The following KATNIP variants were observed in gnomAD, a reference collection of about 807,000 sequenced individuals.
The protein encoded by KATNIP is katanin interacting protein, also known as katanin-interacting protein.
A neutral mutation model predicts 174.0 loss-of-function variants in KATNIP; 126 were observed. The observed-to-expected ratio is 0.72, with a 90% CI of 0.63 to 0.84. The LOEUF (loss-of-function observed/expected upper bound fraction) is 0.84, where lower values mean the gene tolerates loss of function less well. Ranked by LOEUF, KATNIP falls within the 40% of genes least tolerant of loss-of-function variation. The pLI, the probability that KATNIP is intolerant of heterozygous loss-of-function variation, is 0.00. For synonymous variants in KATNIP, 810 were observed against 835.7 expected, an observed-to-expected ratio of 0.97 and a Z score of 0.53; for missense variants, 1,958 against 2,109.7, an observed-to-expected ratio of 0.93 and a Z score of 1.41.
chr16:27,737,276 A>G (rs1334616193), intron 14 of KATNIP, among the ~76,000 whole-genome samples: 6 of 152,144 alleles, frequency 3.9e-5, no homozygotes, highest in African/African-American at 1.4e-4. Context: ...CCAGCTATCC[A>G]GGATGCTGAG....
intron 5 of KATNIP, among the ~76,000 whole-genome samples, chr16:27,633,058 C>T (rs1251836612): frequency 6.6e-6 from 1 of 152,058 alleles, no homozygotes; most frequent in Non-Finnish European, 1.5e-5. Context: ...CCGAAAAGGG[C>T]TGGTTTCTTT....
At chr16:27,770,682 G>A (rs796205533) in intron 21 of KATNIP, among the ~76,000 whole-genome samples, 10 of 152,364 alleles carry the variant, frequency 6.6e-5, no homozygotes, top group Admixed American at 3.9e-4. Flanking sequence ...GGCCCCGTCA[G>A]GAGGGCCGTG....
chr16:27,562,550 C>A (rs2089924366), intron 1 of KATNIP, among the ~76,000 whole-genome samples: 1 of 152,148 alleles, frequency 6.6e-6, no homozygotes, highest in Admixed American at 6.5e-5. Flanking sequence ...GGTGCAGATA[C>A]TCAGAAGACA....
chr16:27,763,678 A>G (rs1162751551), intron 19 of KATNIP, among the ~76,000 whole-genome samples: 1 of 151,938 alleles, frequency 6.6e-6, no homozygotes, highest in Non-Finnish European at 1.5e-5. Flanking sequence ...TTAAATTACC[A>G]GATATCTAGC....
intron 13 of KATNIP, among the ~76,000 whole-genome samples, chr16:27,715,106 G>A (rs1181203815): frequency 1.3e-5 from 2 of 152,238 alleles, no homozygotes; most frequent in African/African-American, 4.8e-5. Flanking sequence ...ATAGATCAAT[G>A]AAATAGAATT....
intron 14 of KATNIP, among the ~76,000 whole-genome samples, chr16:27,724,719 T>C (rs1206663164): frequency 6.6e-6 from 1 of 152,234 alleles, no homozygotes; most frequent in East Asian, 1.9e-4. Context: ...CAGGTTGGTT[T>C]GATTTAATAT....
At chr16:27,771,788 TAGG>T in intron 22 of KATNIP, 136 bp downstream of exon 22, 1 of 846,462 alleles carries the variant, frequency 1.2e-6, no homozygotes, top group South Asian at 1.7e-5. Flanking sequence ...AGGCAGAGGA[TAGG>T]AGGCCTCCTG....
At chr16:27,600,490 G>A (rs1473842680) in intron 2 of KATNIP, among the ~76,000 whole-genome samples, 8 of 152,096 alleles carry the variant, frequency 5.3e-5, no homozygotes, top group Non-Finnish European at 8.8e-5. Flanking sequence ...CGTCCCCTGG[G>A]ATCAGCCAGC....
chr16:27,569,178 T>C (rs1422356618), intron 1 of KATNIP, among the ~76,000 whole-genome samples: 1 of 152,182 alleles, frequency 6.6e-6, no homozygotes, highest in Non-Finnish European at 1.5e-5. Flanking sequence ...TTATCAAGGG[T>C]AATTTTGGCA....
chr16:27,608,521 A>G (rs1358791045), intron 2 of KATNIP, among the ~76,000 whole-genome samples: 2 of 141,396 alleles, frequency 1.4e-5, no homozygotes, highest in Admixed American at 1.4e-4. Flanking sequence ...CTTGGTAGGA[A>G]TTTTTTTTTC....
chr16:27,740,416 T>A lies in KATNIP; in HGVS notation c.2119T>A (p.Ser707Thr). 1 of 1,614,028 alleles carries A rather than the reference T, an allele frequency of 6.2e-7. No homozygotes were observed. ...EYLRLSAVPT[S>T]MGDMPSAPAT... ...TTTGAGACTGTCGGCAGTCCCCACT[T>A]CGATGGGTGACATGCCCAGTGCTCC... is the stretch of plus-strand genomic sequence containing the variant. Residue 707 changes from serine to threonine, a missense_variant, in exon 15 of 28, where the codon TCG becomes ACG. Physicochemically the swap from Ser to Thr is moderately conservative, Grantham distance 58. Around this residue, in one of 3 missense-constraint regions of KATNIP, gnomAD observed 1,557 missense variants for 1,617.8 expected, o/e 0.96. Transcript: ENST00000261588.
chr16:27,556,526 A>G (rs1403472785), intron 1 of KATNIP, among the ~76,000 whole-genome samples: 2 of 152,236 alleles, frequency 1.3e-5, no homozygotes, highest in African/African-American at 4.8e-5. Context: ...CTGCTCCCCT[A>G]GAGCAAATAT....
intron 20 of KATNIP, among the ~76,000 whole-genome samples, chr16:27,769,121 C>G (rs2082215267): frequency 6.6e-6 from 1 of 152,176 alleles, no homozygotes; most frequent in South Asian, 2.1e-4. Flanking sequence ...GATGTTGGCT[C>G]AAATCCACGT....
chr16:27,674,940 A>T (rs1470161681), intron 6 of KATNIP, among the ~76,000 whole-genome samples: 2 of 152,212 alleles, frequency 1.3e-5, no homozygotes, highest in Non-Finnish European at 2.9e-5. Flanking sequence ...TAAATTGGTT[A>T]TGGGTAAGAC....
intron 18 of KATNIP, chr16:27,757,618 G>A: frequency 6.1e-6 from 4 of 650,650 alleles, no homozygotes; most frequent in Non-Finnish European, 7.6e-6. Flanking sequence ...CAAGGCAAGT[G>A]TAATTTCTCT....
At chr16:27,754,105 A>C (rs1331978730) in intron 17 of KATNIP, 68 bp from the exon 18 acceptor site, 1 of 1,329,614 alleles carries the variant, frequency 7.5e-7, no homozygotes, top group Non-Finnish European at 1.1e-6. Flanking sequence ...AGAAACAGCC[A>C]GCCAGCTAGC....
At chr16:27,691,831 G>T (rs1422833148) in intron 8 of KATNIP, among the ~76,000 whole-genome samples, 1 of 152,244 alleles carries the variant, frequency 6.6e-6, no homozygotes, top group Non-Finnish European at 1.5e-5. Context: ...AAAAGGGTCT[G>T]TGCAGATAAA....
At chr16:27,672,311 C>G (rs1325535405) in intron 6 of KATNIP, among the ~76,000 whole-genome samples, 1 of 152,158 alleles carries the variant, frequency 6.6e-6, no homozygotes, top group Non-Finnish European at 1.5e-5. Context: ...CCAGGTAGCT[C>G]TTCATCACTC....
intron 8 of KATNIP, among the ~76,000 whole-genome samples, chr16:27,683,861 G>T (rs541830713): frequency 6.6e-6 from 1 of 152,210 alleles, no homozygotes; most frequent in African/African-American, 2.4e-5. Flanking sequence ...AGTCTATCCT[G>T]CTGGTACTGT....
Sources: gnomAD v4.1 joint callset for allele counts (sites outside exome capture counted in the v4.1 genomes callset) on GRCh38, gnomAD v4.1.1 for gene constraint, gnomAD v4.1.1 regional missense constraint, MANE v1.5 for transcripts, NCBI Gene and HGNC (gene_info 2026-07-23, HGNC 2026-07-21) for gene names.